ADK: variants seen among roughly 807,000 people sequenced by gnomAD.
The protein encoded by ADK is adenosine kinase, also known as N6,N6-dimethyladenosine kinase.
ADK carries 24 observed loss-of-function variants against 44.7 expected under a neutral mutation model. That is an observed-to-expected ratio of 0.54 (90% CI 0.39 to 0.76). ADK has a LOEUF of 0.76. Ranked by LOEUF, ADK falls within the 30% of genes least tolerant of loss-of-function variation. ADK has a pLI of 0.00. For missense variants in ADK, 321 were observed against 425.1 expected (o/e 0.76, Z 2.15); for synonymous variants, 128 against 142.6 (o/e 0.90, Z 0.73).
At chr10:74,336,390 T>C (rs1324914403) in intron 4 of ADK, among the ~76,000 whole-genome samples, 2 of 152,232 alleles carry the variant, frequency 1.3e-5, no homozygotes, top group Non-Finnish European at 2.9e-5. Context: ...ATGTCTCTTC[T>C]TTCTCCAATA....
At chr10:74,373,097 A>G (rs941408713) in intron 4 of ADK, among the ~76,000 whole-genome samples, 2 of 151,994 alleles carry the variant, frequency 1.3e-5, no homozygotes, top group African/African-American at 2.4e-5. Flanking sequence ...AATGAAGGGT[A>G]CTAGAACACC....
chr10:74,465,357 GGGAAAGAGTCTA>G (rs1846314655), intron 6 of ADK, among the ~76,000 whole-genome samples: 2 of 152,256 alleles, frequency 1.3e-5, no homozygotes, highest in South Asian at 4.2e-4. Context: ...TAATTACACT[GGGAAAGAGTCTA>G]GGGGCATATT....
intron 7 of ADK, among the ~76,000 whole-genome samples, chr10:74,562,446 A>G (rs1850497361): frequency 6.6e-6 from 1 of 152,182 alleles, no homozygotes; most frequent in South Asian, 2.1e-4. Context: ...ATTCAAGAGT[A>G]TATTGGGATG....
intron 6 of ADK, among the ~76,000 whole-genome samples, chr10:74,407,458 ATT>A (rs1234052679): frequency 6.6e-6 from 1 of 152,124 alleles, no homozygotes; most frequent in Admixed American, 6.5e-5. Flanking sequence ...TGTTATAACA[ATT>A]GTTTTAATAT....
chr10:74,353,127 T>A (rs959441474), intron 4 of ADK, among the ~76,000 whole-genome samples: 1 of 152,202 alleles, frequency 6.6e-6, no homozygotes, highest in African/African-American at 2.4e-5. Context: ...GTGTTTATTG[T>A]AGCGCTATTT....
intron 7 of ADK, among the ~76,000 whole-genome samples, chr10:74,588,101 G>A (rs1589274993): frequency 1.3e-5 from 2 of 151,964 alleles, no homozygotes; most frequent in Admixed American, 6.6e-5. Context: ...CCCCTACATA[G>A]CACATACATC....
At chr10:74,306,588 T>C (rs1840256475) in intron 3 of ADK, among the ~76,000 whole-genome samples, 4 of 152,244 alleles carry the variant, frequency 2.6e-5, no homozygotes, top group African/African-American at 9.6e-5. Flanking sequence ...TATATGCAAA[T>C]TGTAGATTAT....
chr10:74,492,798 G>A (rs1334594934), intron 6 of ADK, among the ~76,000 whole-genome samples: 1 of 151,934 alleles, frequency 6.6e-6, no homozygotes, highest in Non-Finnish European at 1.5e-5. Context: ...TACCATATTA[G>A]GAGGTACATG....
chr10:74,178,783 G>A (rs1842436088), intron 1 of ADK, among the ~76,000 whole-genome samples: 1 of 152,130 alleles, frequency 6.6e-6, no homozygotes, highest in African/African-American at 2.4e-5. Flanking sequence ...ACATAATCTT[G>A]AACTATGGTA....
intron 6 of ADK, among the ~76,000 whole-genome samples, chr10:74,466,982 C>T (rs1564738104): frequency 6.6e-6 from 1 of 151,990 alleles, no homozygotes; most frequent in East Asian, 1.9e-4. Flanking sequence ...TGTATATATA[C>T]ATGTTTGTAT....
Position 74,360,139 on chromosome 10 carries a change from CT to C in ADK, c.274-34001del, listed in dbSNP as rs564425483. ...TTCTGTGGCAGTTGGATGAAATGTT[CT>C]GTAAAGGTCTGTTAGGTTTATTTGG... On this transcript the variant is annotated intron_variant, in intron 4 of 10. Transcript: ENST00000539909. Among the ~76,000 whole-genome samples the C allele has an allele frequency of 2.0e-4, 30 of 152,138 alleles. 1 individual carries two copies. The South Asian group carries it at 6.2e-3, about 32-fold the overall frequency.
chr10:74,568,590 A>G (rs1034490078), intron 7 of ADK, among the ~76,000 whole-genome samples: 2 of 152,006 alleles, frequency 1.3e-5, no homozygotes, highest in Non-Finnish European at 2.9e-5. Context: ...GCTACTCCAT[A>G]GACAGAGCAG....
intron 8 of ADK, among the ~76,000 whole-genome samples, chr10:74,591,456 A>G (rs1338967894): frequency 6.6e-6 from 1 of 152,132 alleles, no homozygotes; most frequent in African/African-American, 2.4e-5. Context: ...TGCAGAATAT[A>G]TTTGAACCAT....
chr10:74,264,168 T>A (rs1591952920), intron 3 of ADK, among the ~76,000 whole-genome samples: 1 of 152,252 alleles, frequency 6.6e-6, no homozygotes, highest in Non-Finnish European at 1.5e-5. Flanking sequence ...TATAGGCTAG[T>A]GCTCCTTGGG....
intron 3 of ADK, among the ~76,000 whole-genome samples, chr10:74,246,555 G>C (rs1354115266): frequency 6.6e-6 from 1 of 152,196 alleles, no homozygotes; most frequent in Non-Finnish European, 1.5e-5. Flanking sequence ...GGTTACTTCA[G>C]ATTAGGGATT....
intron 1 of ADK, among the ~76,000 whole-genome samples, chr10:74,194,568 A>G (rs965538917): frequency 1.3e-5 from 2 of 152,244 alleles, no homozygotes; most frequent in African/African-American, 4.8e-5. Context: ...GAAAAATATT[A>G]TGTCTAGAAT....
At chr10:74,401,958 T>G (rs1843730505) in intron 6 of ADK, among the ~76,000 whole-genome samples, 1 of 152,230 alleles carries the variant, frequency 6.6e-6, no homozygotes, top group Non-Finnish European at 1.5e-5. Flanking sequence ...CTCTCAGCAT[T>G]TGCTTGTCTG....
chr10:74,393,663 G>A (rs1306437616), intron 4 of ADK, among the ~76,000 whole-genome samples: 1 of 152,152 alleles, frequency 6.6e-6, no homozygotes, highest in Admixed American at 6.5e-5. Context: ...CTTATGAGAT[G>A]TATTTGTAAT....
At chr10:74,504,188 TC>T (rs1457341906) in intron 6 of ADK, among the ~76,000 whole-genome samples, 1 of 152,138 alleles carries the variant, frequency 6.6e-6, no homozygotes, top group Non-Finnish European at 1.5e-5. Context: ...TTTGCTACAT[TC>T]CTTTTGGATG....
Sources: gnomAD v4.1 joint callset for allele counts (sites outside exome capture counted in the v4.1 genomes callset) on GRCh38, gnomAD v4.1.1 for gene constraint, MANE v1.5 for transcripts, NCBI Gene and HGNC (gene_info 2026-07-23, HGNC 2026-07-21) for gene names.